The following TRAF3 variants were observed in gnomAD, a reference collection of about 807,000 sequenced individuals.
TRAF3 encodes the protein TNF receptor associated factor 3.
Under a neutral mutation model 62.3 loss-of-function variants are expected in TRAF3, and 13 were observed. That is an observed-to-expected ratio of 0.21 (90% CI 0.14 to 0.33). The LOEUF (loss-of-function observed/expected upper bound fraction) is 0.33, where lower values mean the gene tolerates loss of function less well. Among genes scored for constraint, TRAF3 ranks in the 10% least tolerant of loss-of-function variants. TRAF3 has a pLI of 1.00. For missense variants in TRAF3, 440 were observed against 741.8 expected, an observed-to-expected ratio of 0.59 and a Z score of 4.73; for synonymous variants, 269 against 283.4, an observed-to-expected ratio of 0.95 and a Z score of 0.51.
Position 102,844,430 on chromosome 14 carries a change from A to AT in TRAF3, c.-18+13959dup, listed in dbSNP as rs570381332. ...AAGAGGGAGAATCTCTATAAGTCCCATAGTGGGAAGAGGAGACCCATTAAT... is the reference window on the plus strand; with the variant it reads ...AAGAGGGAGAATCTCTATAAGTCCCATTAGTGGGAAGAGGAGACCCATTAAT... On this transcript the variant is annotated intron_variant, in intron 2 of 11. Transcript: ENST00000392745. Among the ~76,000 whole-genome samples the AT allele has an allele frequency of 1.2e-4, 19 of 152,324 alleles. No homozygotes were observed. In the South Asian group the frequency reaches 3.7e-3, roughly 30 times the overall value.
At chr14:102,885,483 G>T (rs1889325054) in intron 6 of TRAF3, among the ~76,000 whole-genome samples, 1 of 152,134 alleles carries the variant, frequency 6.6e-6, no homozygotes. Context: ...TCCTTGTGGG[G>T]AGTCCTTGCC....
chr14:102,857,935 T>A (rs1196941332), intron 2 of TRAF3, among the ~76,000 whole-genome samples: 5 of 152,222 alleles, frequency 3.3e-5, no homozygotes, highest in African/African-American at 9.6e-5. Flanking sequence ...GCTCCAAATT[T>A]TGTTCACAGG....
At chr14:102,834,417 G>A (rs1347715364) in intron 2 of TRAF3, among the ~76,000 whole-genome samples, 4 of 151,062 alleles carry the variant, frequency 2.6e-5, no homozygotes, top group African/African-American at 4.9e-5. Flanking sequence ...GACCCCTTCC[G>A]GCTGGGCGCG....
Position 102,866,928 on chromosome 14 carries a change from C to T in TRAF3, c.-17-3257C>T, listed in dbSNP as rs370275935. ...CAAGAAGGCACAATTTGGCATTTCA[C>T]GGAAGAGAAAACAAGTGGCCTCTCA... On this transcript the variant is annotated intron_variant, in intron 2 of 11. Coordinates refer to ENST00000392745, the MANE Select transcript of TRAF3 (RefSeq NM_145725.3). 7.9e-5 allele frequency among the ~76,000 whole-genome samples: 12 copies of T among 151,698 alleles called. No homozygotes were observed. The East Asian group carries it at 1.7e-3, about 22-fold the overall frequency.
intron 2 of TRAF3, among the ~76,000 whole-genome samples, chr14:102,847,550 G>C (rs1395067513): frequency 6.6e-6 from 1 of 152,118 alleles, no homozygotes; most frequent in African/African-American, 2.4e-5. Flanking sequence ...CTGGGTAAGG[G>C]ACTCCACTAC....
chr14:102,784,475 G>A (rs375249895), intron 1 of TRAF3, among the ~76,000 whole-genome samples: 213 of 152,116 alleles, frequency 1.4e-3, no homozygotes, highest in African/African-American at 4.9e-3. Flanking sequence ...TGCCCGCCTC[G>A]GCCTCCCAAA....
In TRAF3 at chr14:102,875,783, C is replaced by T. The variant is rs1317513546; in HGVS notation, c.402+55C>T. On this transcript the variant is annotated intron_variant, in intron 5 of 11. Coordinates refer to ENST00000392745, the MANE Select transcript of TRAF3 (RefSeq NM_145725.3). Reference sequence around the variant, plus strand: ...TACATGAAGGAATTCGAGTCCCTTACATCCAGCTGATGAAGTGGTCAGTAG... The same window carrying T: ...TACATGAAGGAATTCGAGTCCCTTATATCCAGCTGATGAAGTGGTCAGTAG... The T allele has an allele frequency of 3.4e-6, 5 of 1,469,016 alleles. No individual in the cohort carries two copies. In the African/African-American group the frequency reaches 5.6e-5, roughly 17 times the overall value. 91.0% of individuals were successfully genotyped at this position (1,469,016 alleles called of 1,614,324 possible). A position where few individuals can be genotyped will look rare whatever the true frequency, so the allele number is the denominator to read the frequency against.
chr14:102,821,237 T>G (rs1899971300), intron 1 of TRAF3, among the ~76,000 whole-genome samples: 1 of 152,226 alleles, frequency 6.6e-6, no homozygotes. Context: ...GGTACTTGAC[T>G]TAATGATTCA....
chr14:102,844,430 A>G (rs906004107), intron 2 of TRAF3, among the ~76,000 whole-genome samples: 13 of 152,208 alleles, frequency 8.5e-5, no homozygotes, highest in African/African-American at 2.9e-4. Flanking sequence ...TATAAGTCCC[A>G]TAGTGGGAAG....
At chr14:102,904,496 CAA>C (rs997339696) in intron 11 of TRAF3, among the ~76,000 whole-genome samples, 6 of 152,060 alleles carry the variant, frequency 3.9e-5, no homozygotes, top group African/African-American at 1.4e-4. Context: ...AGCAACAGAG[CAA>C]GACCTTGCCT....
At chr14:102,871,392 C>T (rs1435763119) in intron 3 of TRAF3, among the ~76,000 whole-genome samples, 1 of 152,246 alleles carries the variant, frequency 6.6e-6, no homozygotes, top group Non-Finnish European at 1.5e-5. Context: ...CTGGACTACA[C>T]CTCTGGGCCC....
chr14:102,793,645 A>C (rs546237820), intron 1 of TRAF3, among the ~76,000 whole-genome samples: 1 of 152,206 alleles, frequency 6.6e-6, no homozygotes, highest in Non-Finnish European at 1.5e-5. Flanking sequence ...AGCTGTAAGC[A>C]TAGGAGTTGC....
intron 1 of TRAF3, among the ~76,000 whole-genome samples, chr14:102,787,976 C>T (rs913493149): frequency 1.3e-5 from 2 of 151,742 alleles, no homozygotes; most frequent in Admixed American, 6.6e-5. Flanking sequence ...CTCAGCCTCC[C>T]GAGTAGCTGG....
At chr14:102,825,285 A>G (rs1900233251) in intron 1 of TRAF3, among the ~76,000 whole-genome samples, 1 of 152,170 alleles carries the variant, frequency 6.6e-6, no homozygotes, top group Admixed American at 6.5e-5. Context: ...CTCAACTGTA[A>G]ACTGGAGACA....
At chr14:102,823,925 G>C (rs56789190) in intron 1 of TRAF3, among the ~76,000 whole-genome samples, 9,386 of 152,254 alleles carry the variant, frequency 0.062, 391 homozygotes, top group South Asian at 0.2. Context: ...TATTGTGCAT[G>C]TATGCATCGG....
intron 10 of TRAF3, among the ~76,000 whole-genome samples, chr14:102,900,508 A>C (rs902784989): frequency 1.3e-5 from 2 of 152,074 alleles, no homozygotes; most frequent in Non-Finnish European, 1.5e-5. Context: ...CAAAGAAAAA[A>C]AAGAAGATAG....
chr14:102,794,118 ACT>A (rs1243703769), intron 1 of TRAF3, among the ~76,000 whole-genome samples: 1 of 151,798 alleles, frequency 6.6e-6, no homozygotes, highest in Non-Finnish European at 1.5e-5. Flanking sequence ...ACAACTCAGA[ACT>A]CTTAGAGTGA....
chr14:102,845,580 A>C (rs1274030568), intron 2 of TRAF3, among the ~76,000 whole-genome samples: 14 of 148,478 alleles, frequency 9.4e-5, no homozygotes, highest in Non-Finnish European at 1.6e-4. Flanking sequence ...CAGTGGCGCC[A>C]TCTCGGCTCA....
At chr14:102,778,606 T>C (rs1470338636) in intron 1 of TRAF3, among the ~76,000 whole-genome samples, 1 of 152,098 alleles carries the variant, frequency 6.6e-6, no homozygotes, top group African/African-American at 2.4e-5. Context: ...CCTGTGTGTG[T>C]GTATGGATAT....
Sources: gnomAD v4.1 joint callset for allele counts (sites outside exome capture counted in the v4.1 genomes callset) on GRCh38, gnomAD v4.1.1 for gene constraint, MANE v1.5 for transcripts, NCBI Gene and HGNC (gene_info 2026-07-23, HGNC 2026-07-21) for gene names.